Variants in ZSCAN5A observed in about 807,000 individuals in gnomAD.
ZSCAN5A encodes the protein zinc finger and SCAN domain-containing protein 5A.
In ZSCAN5A, 12 loss-of-function variants were observed where a neutral mutation model predicts 23.7. The ratio of observed to expected loss-of-function variants is 0.51; its 90% confidence interval spans 0.32 to 0.82. ZSCAN5A has a LOEUF of 0.82. Ranked by LOEUF, ZSCAN5A falls within the 40% of genes least tolerant of loss-of-function variation. ZSCAN5A has a pLI of 0.03. For synonymous variants in ZSCAN5A, 257 were observed against 239.9 expected, an observed-to-expected ratio of 1.07 and a Z score of -0.66; for missense variants, 597 against 617.9, an observed-to-expected ratio of 0.97 and a Z score of 0.36.
intron 2 of ZSCAN5A, chr19:56,263,266 T>G (rs1568664501): frequency 1.3e-5 from 2 of 152,226 alleles, no homozygotes; most frequent in Admixed American, 6.5e-5. Flanking sequence ...CTGGGTGAAG[T>G]GCATTTTAAG....
intron 2 of ZSCAN5A, among the ~76,000 whole-genome samples, chr19:56,276,534 T>TTTA (rs2038277005): frequency 7.1e-6 from 1 of 141,262 alleles, no homozygotes; most frequent in Non-Finnish European, 1.5e-5. Context: ...TGAGGGTTAT[T>TTTA]TTTATTTATT....
chr19:56,314,115 T>A (rs8105251), intron 1 of ZSCAN5A: 1 of 152,420 alleles, frequency 6.6e-6, no homozygotes, highest in African/African-American at 2.4e-5. Flanking sequence ...GCAATGTCTG[T>A]CCCCAGTGTC....
At chr19:56,288,857 T>C (rs1285099024) in intron 2 of ZSCAN5A, among the ~76,000 whole-genome samples, 1 of 152,202 alleles carries the variant, frequency 6.6e-6, no homozygotes, top group African/African-American at 2.4e-5. Flanking sequence ...CTGGGCTGCC[T>C]ACATTCTAGC....
At chr19:56,273,728 CAAGT>C (rs895180508) in intron 2 of ZSCAN5A, among the ~76,000 whole-genome samples, 9 of 151,968 alleles carry the variant, frequency 5.9e-5, no homozygotes, top group African/African-American at 1.9e-4. Context: ...GAGACTGTTA[CAAGT>C]AAGAAGAGAC....
At chr19:56,230,078 C>A (rs1012696300) in intron 2 of ZSCAN5A, among the ~76,000 whole-genome samples, 1 of 152,046 alleles carries the variant, frequency 6.6e-6, no homozygotes, top group Non-Finnish European at 1.5e-5. Context: ...TTATTCCTTG[C>A]TCTGGCTAAG....
chr19:56,260,283 C>T (rs1364296724), intron 2 of ZSCAN5A, among the ~76,000 whole-genome samples: 2 of 144,920 alleles, frequency 1.4e-5, no homozygotes, highest in African/African-American at 2.5e-5. Context: ...GGTGCGATCT[C>T]GGCTCACTGC....
chr19:56,250,190 GA>G (rs1263258760), intron 2 of ZSCAN5A, among the ~76,000 whole-genome samples: 3 of 152,170 alleles, frequency 2.0e-5, no homozygotes, highest in Non-Finnish European at 4.4e-5. Flanking sequence ...CTAAGGATAA[GA>G]TAGCAAAGAC....
intron 2 of ZSCAN5A, among the ~76,000 whole-genome samples, chr19:56,262,010 A>G (rs985699885): frequency 1.2e-4 from 19 of 152,060 alleles, no homozygotes; most frequent in Non-Finnish European, 1.2e-4. Flanking sequence ...GTGCCTACCT[A>G]CAGGTAACCA....
At chr19:56,271,538 C>A (rs952400496) in intron 2 of ZSCAN5A, among the ~76,000 whole-genome samples, 5 of 152,184 alleles carry the variant, frequency 3.3e-5, no homozygotes, top group Non-Finnish European at 5.9e-5. Context: ...AGGAGGGGAG[C>A]TCTGAAATAT....
chr19:56,320,959 G>A (rs1283476094), intron 2 of ZSCAN5A: 1 of 741,136 alleles, frequency 1.3e-6, no homozygotes, highest in African/African-American at 1.7e-5. Flanking sequence ...TGTGGGTTTT[G>A]ATAGCAGCAT....
chr19:56,271,496 G>A (rs1027330954), intron 2 of ZSCAN5A, among the ~76,000 whole-genome samples: 13 of 152,106 alleles, frequency 8.5e-5, no homozygotes, highest in African/African-American at 3.1e-4. Flanking sequence ...ACGTTTTCCC[G>A]GTGATGAGTT....
chr19:56,321,261 G>A, intron 2 of ZSCAN5A: 2 of 667,052 alleles, frequency 3.0e-6, no homozygotes, highest in Non-Finnish European at 2.8e-6. Flanking sequence ...AGTAGTGCCA[G>A]CAATCATCAT....
At chr19:56,237,934 A>T (rs1031913471) in intron 2 of ZSCAN5A, among the ~76,000 whole-genome samples, 1 of 29,196 alleles carries the variant, frequency 3.4e-5, no homozygotes, top group South Asian at 9.7e-4. Context: ...AAAAAAATTT[A>T]AAAAATGATA....
intron 2 of ZSCAN5A, among the ~76,000 whole-genome samples, chr19:56,261,698 T>C (rs1411942217): frequency 1.3e-5 from 2 of 152,048 alleles, no homozygotes; most frequent in Non-Finnish European, 2.9e-5. Context: ...GAAAAAGAGA[T>C]TATTTCTTCA....
intron 2 of ZSCAN5A, among the ~76,000 whole-genome samples, chr19:56,291,375 C>G (rs2039496708): frequency 6.6e-6 from 1 of 152,212 alleles, no homozygotes; most frequent in African/African-American, 2.4e-5. Context: ...ATTAATGCGT[C>G]TCTAAAGGAG....
At chr19:56,338,889 C>T (rs997357330) in intron 2 of ZSCAN5A, among the ~76,000 whole-genome samples, 31 of 152,162 alleles carry the variant, frequency 2.0e-4, no homozygotes, top group Non-Finnish European at 1.5e-4. Flanking sequence ...CCACTGTGAA[C>T]TGAACTGAAA....
chr19:56,254,074 T>TA (rs398121102), intron 2 of ZSCAN5A, among the ~76,000 whole-genome samples: 63 of 151,778 alleles, frequency 4.2e-4, no homozygotes, highest in African/African-American at 1.3e-3. Flanking sequence ...TTTTTTTTTT[T>TA]AAATAAGTCT....
chr19:56,304,876 G>A (rs2040581935), intron 2 of ZSCAN5A: 4 of 802,660 alleles, frequency 5.0e-6, no homozygotes, highest in Non-Finnish European at 6.0e-6. Flanking sequence ...CTGGGGTGGG[G>A]TTAGGGGAGG....
chr19:56,295,588 C>T (rs1435167308), intron 2 of ZSCAN5A, among the ~76,000 whole-genome samples: 6 of 152,076 alleles, frequency 3.9e-5, no homozygotes, highest in Admixed American at 3.3e-4. Flanking sequence ...GAGCAAGACT[C>T]CGTCTAAAAA....
Sources: gnomAD v4.1 joint callset for allele counts (sites outside exome capture counted in the v4.1 genomes callset) on GRCh38, gnomAD v4.1.1 for gene constraint, MANE v1.5 for transcripts, NCBI Gene and HGNC (gene_info 2026-07-23, HGNC 2026-07-21) for gene names.